The following RASEF variants were observed in gnomAD, a reference collection of about 807,000 sequenced individuals.
The protein encoded by RASEF is RAS and EF-hand domain containing, also known as ras and EF-hand domain-containing protein.
RASEF carries 68 observed loss-of-function variants against 90.1 expected under a neutral mutation model. That is an observed-to-expected ratio of 0.75 (90% CI 0.62 to 0.92). The LOEUF is 0.92. Among genes scored for constraint, RASEF ranks in the 40% least tolerant of loss-of-function variants. The probability of loss-of-function intolerance (pLI) is 0.00; values close to 1 mark genes in which losing one functional copy is unlikely to be tolerated. For synonymous variants in RASEF, 331 were observed against 345.2 expected, an observed-to-expected ratio of 0.96 and a Z score of 0.46; for missense variants, 949 against 937.2, an observed-to-expected ratio of 1.01 and a Z score of -0.16.
the RASEF span, among the ~76,000 whole-genome samples, chr9:83,159,030 C>CA: frequency 0.34 from 51,438 of 151,188 alleles, 8,851 homozygotes; most frequent in Middle Eastern, 0.43. Flanking sequence ...ACTAAAAACA[C>CA]AAAAAATTAG....
At chr9:83,161,322 C>T in the RASEF span, among the ~76,000 whole-genome samples, 2 of 152,184 alleles carry the variant, frequency 1.3e-5, no homozygotes, top group Admixed American at 6.5e-5. Flanking sequence ...ACCCACCTCT[C>T]GGATCAGCAT....
chr9:83,143,207 C>T, the RASEF span, among the ~76,000 whole-genome samples: 1 of 151,976 alleles, frequency 6.6e-6, no homozygotes, highest in Non-Finnish European at 1.5e-5. Flanking sequence ...TGCACAATTG[C>T]AACAAAAACA....
chr9:83,024,258 A>T (rs1163039759), intron 2 of RASEF, among the ~76,000 whole-genome samples: 1 of 152,200 alleles, frequency 6.6e-6, no homozygotes, highest in African/African-American at 2.4e-5. Context: ...ACACAGCTCA[A>T]ATTAATATGA....
At chr9:83,110,962 C>A in the RASEF span, among the ~76,000 whole-genome samples, 1 of 152,050 alleles carries the variant, frequency 6.6e-6, no homozygotes, top group African/African-American at 2.4e-5. Context: ...AACCACATGA[C>A]ACCATAAGCA....
rs1366911326 is a variant in RASEF, at chr9:83,059,769, T to C, written c.431+2668A>G. Among the ~76,000 whole-genome samples the C allele has an allele frequency of 2.0e-5, 3 of 152,266 alleles. No individual in the cohort carries two copies. The East Asian group carries it at 5.8e-4, about 29-fold the overall frequency. ...CTGACCAGGAAGTGGTCAAGGCCCA[T>C]CCTGACCTTGCAGACCCTTCATATC... On this transcript the variant is annotated intron_variant, in intron 1 of 16. Coordinates refer to ENST00000376447, the MANE Select transcript of RASEF (RefSeq NM_152573.4).
At chr9:83,177,712 T>C in the RASEF span, among the ~76,000 whole-genome samples, 11 of 152,200 alleles carry the variant, frequency 7.2e-5, no homozygotes, top group African/African-American at 2.4e-4. Flanking sequence ...TTTACTATGA[T>C]GTGTCTGTGT....
intron 15 of RASEF, among the ~76,000 whole-genome samples, chr9:82,992,658 T>C (rs150252808): frequency 1.3e-5 from 2 of 152,344 alleles, no homozygotes; most frequent in East Asian, 3.9e-4. Flanking sequence ...TTTGGGTTCC[T>C]TTCTGTCAAT....
At chr9:83,123,622 T>C in the RASEF span, among the ~76,000 whole-genome samples, 1 of 128,152 alleles carries the variant, frequency 7.8e-6, no homozygotes, top group Non-Finnish European at 1.7e-5. Flanking sequence ...TCCCTCCTCC[T>C]TCCCACTGAG....
chr9:83,183,270 A>G, the RASEF span, among the ~76,000 whole-genome samples: 2,420 of 65,286 alleles, frequency 0.037, 72 homozygotes, highest in African/African-American at 0.081. Flanking sequence ...GTGTATATAT[A>G]TATATATATA....
intron 1 of RASEF, chr9:83,048,713 C>T (rs920178697): frequency 2.0e-6 from 2 of 985,110 alleles, no homozygotes; most frequent in African/African-American, 3.5e-5. Context: ...ATTTAAATGA[C>T]AGAGGAGATA....
At chr9:83,002,270 T>C (rs1430162247) in intron 9 of RASEF, among the ~76,000 whole-genome samples, 5 of 152,178 alleles carry the variant, frequency 3.3e-5, no homozygotes, top group African/African-American at 1.2e-4. Context: ...GTGTGAGCCA[T>C]GTAAATCTGA....
chr9:83,187,250 T>C, the RASEF span, among the ~76,000 whole-genome samples: 2 of 152,174 alleles, frequency 1.3e-5, no homozygotes, highest in South Asian at 2.1e-4. Context: ...GCCCCACCTC[T>C]TGTCTCTAAG....
At chr9:83,099,293 C>T in the RASEF span, among the ~76,000 whole-genome samples, 1 of 152,160 alleles carries the variant, frequency 6.6e-6, no homozygotes, top group South Asian at 2.1e-4. Context: ...GCAAAGTTAG[C>T]ATGTTTTTCT....
the RASEF span, among the ~76,000 whole-genome samples, chr9:83,197,962 C>T: frequency 1.3e-5 from 2 of 152,222 alleles, no homozygotes; most frequent in Admixed American, 1.3e-4. Flanking sequence ...GGTAGCACGG[C>T]TTTGCACTTA....
At chr9:83,210,877 TCA>T in the RASEF span, among the ~76,000 whole-genome samples, 2 of 152,186 alleles carry the variant, frequency 1.3e-5, no homozygotes, top group African/African-American at 4.8e-5. Flanking sequence ...ACGAAGCTGG[TCA>T]GTCACCCCAG....
the RASEF span, among the ~76,000 whole-genome samples, chr9:83,181,361 CTA>C: frequency 1.3e-5 from 2 of 152,016 alleles, no homozygotes; most frequent in African/African-American, 4.8e-5. Context: ...GATTTCATCT[CTA>C]TATGGGAATG....
At position 83,062,594 on chromosome 9, in the gene RASEF, C is replaced by T; in HGVS notation, c.274G>A (p.Val92Met). The T allele has an allele frequency of 6.4e-7, 1 of 1,573,722 alleles. No individual in the cohort carries two copies. The highest frequency in any genetic ancestry group is 8.6e-7 in the Non-Finnish European group (1 of 1,162,744). The part of the protein sequence containing the change: ...DWGPLDPAPA[V>M]SEAGPETHDS... ...TGTGTCTCCGGCCCCGCCTCAGACA[C>T]GGCGGGCGCGGGATCCAGAGGACCC... The change falls in exon 1 of 17, where the codon GTG (valine) becomes ATG (methionine). Residue 92 changes from valine to methionine, a missense_variant. Physicochemically the swap from Val to Met is conservative, Grantham distance 21. Transcript: ENST00000376447.
chr9:83,145,868 T>C, the RASEF span, among the ~76,000 whole-genome samples: 1 of 152,194 alleles, frequency 6.6e-6, no homozygotes, highest in Non-Finnish European at 1.5e-5. Context: ...AAGAAAAAAG[T>C]AGAATCCTAC....
intron 1 of RASEF, among the ~76,000 whole-genome samples, chr9:83,029,623 C>G (rs115628024): frequency 0.014 from 2,031 of 148,792 alleles, 40 homozygotes; most frequent in African/African-American, 0.048. Flanking sequence ...TGAGACCATG[C>G]TGGTCTCAAA....
Sources: allele counts gnomAD v4.1 joint callset (sites outside exome capture counted in the v4.1 genomes callset), GRCh38; gene constraint gnomAD v4.1.1; transcripts MANE v1.5; gene names NCBI Gene and HGNC (gene_info 2026-07-23, HGNC 2026-07-21).